Variants in TAF2 observed in about 807,000 individuals in gnomAD.
TAF2 encodes TATA-box binding protein associated factor 2, also known as transcription initiation factor TFIID subunit 2.
A neutral mutation model predicts 138.5 loss-of-function variants in TAF2; 61 were observed. The observed-to-expected ratio is 0.44, with a 90% CI of 0.36 to 0.54. TAF2 has a LOEUF of 0.54. Among genes scored for constraint, TAF2 ranks in the 20% least tolerant of loss-of-function variants. The probability of loss-of-function intolerance (pLI) is 0.00; values close to 1 mark genes in which losing one functional copy is unlikely to be tolerated. For synonymous variants in TAF2, 475 were observed against 469.9 expected (o/e 1.01, Z -0.14); for missense variants, 1,090 against 1,427.9 (o/e 0.76, Z 3.81).
At chr8:119,769,948 G>A (rs1367983865) in intron 18 of TAF2, among the ~76,000 whole-genome samples, 3 of 151,742 alleles carry the variant, frequency 2.0e-5, no homozygotes, top group Admixed American at 6.6e-5. Context: ...TAGTAGAGAC[G>A]GGGTATCACC....
At chr8:119,786,165 A>G (rs1822998104) in intron 14 of TAF2, among the ~76,000 whole-genome samples, 1 of 152,192 alleles carries the variant, frequency 6.6e-6, no homozygotes, top group Non-Finnish European at 1.5e-5. Flanking sequence ...TTCAGAATAC[A>G]TACTAATTGT....
At chr8:119,786,549 A>G (rs1424561521) in intron 14 of TAF2, among the ~76,000 whole-genome samples, 1 of 152,250 alleles carries the variant, frequency 6.6e-6, no homozygotes, top group African/African-American at 2.4e-5. Flanking sequence ...GCAAGCAAAC[A>G]AAGAATGTTT....
At chr8:119,812,451 AAT>A (rs977985000) in intron 3 of TAF2, among the ~76,000 whole-genome samples, 1 of 152,128 alleles carries the variant, frequency 6.6e-6, no homozygotes, top group East Asian at 1.9e-4. Context: ...CATTGCACCC[AAT>A]ATGTCATTTT....
intron 18 of TAF2, among the ~76,000 whole-genome samples, chr8:119,773,782 C>G (rs1008782083): frequency 6.6e-6 from 1 of 151,580 alleles, no homozygotes; most frequent in Non-Finnish European, 1.5e-5. Context: ...CCCAGGAAGC[C>G]TTTTCTGGCT....
At chr8:119,763,240 TACAA>T (rs985027508) in intron 18 of TAF2, among the ~76,000 whole-genome samples, 14 of 152,120 alleles carry the variant, frequency 9.2e-5, no homozygotes, top group African/African-American at 4.8e-5. Flanking sequence ...GCAAGGCACA[TACAA>T]ACAAACAACA....
At chr8:119,832,357 A>G in intron 1 of TAF2, 125 bp downstream of exon 1, 1 of 831,978 alleles carries the variant, frequency 1.2e-6, no homozygotes, top group Non-Finnish European at 2.0e-6. Context: ...CATTTCCATC[A>G]CAGTGAGTAA....
chr8:119,795,662 T>A, intron 8 of TAF2, 31 bp from the exon 9 acceptor site: 1 of 1,592,186 alleles, frequency 6.3e-7, no homozygotes, highest in Non-Finnish European at 8.6e-7. Context: ...TAAATTACTT[T>A]TAATCATAAA....
Position 119,731,820 on chromosome 8 carries a change from G to A in TAF2, c.*104C>T. The A allele has an allele frequency of 8.9e-7, 1 of 1,128,606 alleles. No homozygotes were observed. The highest frequency in any genetic ancestry group is 1.3e-6 in the Non-Finnish European group (1 of 743,260). 69.9% of individuals were successfully genotyped at this position (1,128,606 alleles called of 1,614,324 possible). A position where few individuals can be genotyped will look rare whatever the true frequency, so the allele number is the denominator to read the frequency against. On this transcript the variant is annotated 3_prime_UTR_variant, in exon 26 of 26. Coordinates refer to ENST00000378164, the MANE Select transcript of TAF2 (RefSeq NM_003184.4). ...ATGAATTCAGAATTTCTGTAGGAGA[G>A]GCGAATCCTTTCCCCCCTCCCTTTT...
At chr8:119,806,978 G>C (rs1489650164) in intron 3 of TAF2, among the ~76,000 whole-genome samples, 1 of 152,088 alleles carries the variant, frequency 6.6e-6, no homozygotes, top group Non-Finnish European at 1.5e-5. Flanking sequence ...ATTAATTTTG[G>C]AATGCCAAAG....
chr8:119,747,639 G>A (rs1320786429), intron 22 of TAF2, among the ~76,000 whole-genome samples: 2 of 152,096 alleles, frequency 1.3e-5, no homozygotes, highest in Non-Finnish European at 2.9e-5. Context: ...ATTGATACCA[G>A]GGTTTTCCCG....
chr8:119,801,992 T>C lies in TAF2; in HGVS notation c.594A>G (p.Glu198=), dbSNP rs1337088258. Residue 198 remains glutamate, a synonymous_variant, in exon 6 of 26, where the codon GAA becomes GAG. Transcript: ENST00000378164. ...FWFPCVDSYS[E]LCTWKLEFTV... ...TAAATTCTAATTTCCATGTACACAA[T>C]TCAGAGTATGAATCAACACAAGGGA... 2 of 1,613,922 alleles carry C rather than the reference T, an allele frequency of 1.2e-6. No homozygotes were observed. Among genetic ancestry groups the C allele is most frequent in the East Asian group, 2.2e-5 (1 of 44,882 alleles).
At chr8:119,794,120 G>A (rs1007600905) in intron 9 of TAF2, among the ~76,000 whole-genome samples, 3 of 151,866 alleles carry the variant, frequency 2.0e-5, no homozygotes, top group Admixed American at 1.3e-4. Flanking sequence ...AAGTGAAGAC[G>A]GGCGCAGTGG....
chr8:119,827,188 T>C (rs902967987), intron 2 of TAF2, among the ~76,000 whole-genome samples: 2 of 151,868 alleles, frequency 1.3e-5, no homozygotes, highest in African/African-American at 2.4e-5. Flanking sequence ...TGAGATCCTG[T>C]CTCAAAAAAA....
intron 18 of TAF2, among the ~76,000 whole-genome samples, chr8:119,769,762 G>GTT (rs528695417): frequency 3.6e-5 from 5 of 138,852 alleles, no homozygotes; most frequent in African/African-American, 5.3e-5. Context: ...AGTCAGAACT[G>GTT]TTTTTTTTTT....
chr8:119,762,817 G>A (rs1199293156), intron 18 of TAF2: 4 of 426,548 alleles, frequency 9.4e-6, no homozygotes, highest in East Asian at 8.3e-5. Context: ...TTAGTTTACT[G>A]ATGGAAAACT....
At chr8:119,799,474 G>C (rs1429275272) in intron 6 of TAF2, among the ~76,000 whole-genome samples, 2 of 152,132 alleles carry the variant, frequency 1.3e-5, no homozygotes, top group Non-Finnish European at 2.9e-5. Flanking sequence ...TCCCTGCAAA[G>C]GACATGAACT....
intron 2 of TAF2, among the ~76,000 whole-genome samples, chr8:119,825,715 C>T (rs768781760): frequency 9.9e-5 from 15 of 152,050 alleles, no homozygotes; most frequent in Non-Finnish European, 1.6e-4. Flanking sequence ...GATGGAATCT[C>T]GCTCTGTCGC....
intron 18 of TAF2, among the ~76,000 whole-genome samples, chr8:119,763,606 T>C (rs1386670127): frequency 6.6e-6 from 1 of 151,984 alleles, no homozygotes; most frequent in Non-Finnish European, 1.5e-5. Flanking sequence ...GGCAGGCGCC[T>C]GTAGTCCCAG....
At chr8:119,734,549 A>C (rs1248531443) in intron 25 of TAF2, among the ~76,000 whole-genome samples, 2 of 152,206 alleles carry the variant, frequency 1.3e-5, no homozygotes, top group Non-Finnish European at 2.9e-5. Context: ...CTCTAGGCTA[A>C]ACCTTTCATA....
Sources: allele counts gnomAD v4.1 joint callset (sites outside exome capture counted in the v4.1 genomes callset), GRCh38; gene constraint gnomAD v4.1.1; transcripts MANE v1.5; gene names NCBI Gene and HGNC (gene_info 2026-07-23, HGNC 2026-07-21).